RBFOX1: variants seen among roughly 807,000 people sequenced by gnomAD.
The protein encoded by RBFOX1 is RNA binding protein fox-1 homolog 1.
A neutral mutation model predicts 57.7 loss-of-function variants in RBFOX1; 8 were observed. That is an observed-to-expected ratio of 0.14 (90% CI 0.08 to 0.25). The LOEUF is 0.25. Among genes scored for constraint, RBFOX1 ranks in the 10% least tolerant of loss-of-function variants. The pLI is 1.00. For missense variants in RBFOX1, 611 were observed against 548.5 expected (o/e 1.11, Z -1.14); for synonymous variants, 326 against 222.4 (o/e 1.47, Z -4.15).
chr16:5,388,289 G>T (rs2066309245), intron 1 of RBFOX1, among the ~76,000 whole-genome samples: 1 of 152,130 alleles, frequency 6.6e-6, no homozygotes, highest in Non-Finnish European at 1.5e-5. Context: ...CCCTTGGTTG[G>T]GTTGGGGGCT....
At chr16:6,710,730 A>C (rs949528587) in intron 3 of RBFOX1, among the ~76,000 whole-genome samples, 10 of 152,260 alleles carry the variant, frequency 6.6e-5, no homozygotes, top group Non-Finnish European at 1.2e-4. Flanking sequence ...CGGGTGGCCC[A>C]TTAGATGGCA....
chr16:7,303,118 C>G (rs1261100967), intron 4 of RBFOX1, among the ~76,000 whole-genome samples: 1 of 152,224 alleles, frequency 6.6e-6, no homozygotes, highest in Admixed American at 6.5e-5. Context: ...GTTAGTCCAA[C>G]AGGCTTGATT....
intron 2 of RBFOX1, among the ~76,000 whole-genome samples, chr16:5,508,812 C>T (rs562103481): frequency 1.3e-5 from 2 of 152,162 alleles, no homozygotes; most frequent in African/African-American, 2.4e-5. Context: ...TGGCAGAAGT[C>T]GAGAGCTGAC....
intron 1 of RBFOX1, among the ~76,000 whole-genome samples, chr16:6,118,533 G>A (rs901170284): frequency 3.3e-5 from 5 of 151,890 alleles, no homozygotes; most frequent in East Asian, 1.9e-4. Flanking sequence ...TGCTGCCGCC[G>A]CCTCCGCCTC....
intron 3 of RBFOX1, among the ~76,000 whole-genome samples, chr16:6,843,257 G>A (rs1009149185): frequency 3.9e-5 from 6 of 152,062 alleles, no homozygotes; most frequent in Admixed American, 1.3e-4. Flanking sequence ...AAGTTGGACA[G>A]CAGTATCAAG....
intron 3 of RBFOX1, among the ~76,000 whole-genome samples, chr16:7,030,605 G>A (rs1006680617): frequency 2.6e-5 from 4 of 152,140 alleles, no homozygotes; most frequent in Non-Finnish European, 5.9e-5. Flanking sequence ...TATTTCGTAT[G>A]TGGACACTCC....
At chr16:7,614,487 G>T (rs764317856) in intron 10 of RBFOX1, 1 of 152,064 alleles carries the variant, frequency 6.6e-6, no homozygotes, top group Admixed American at 6.6e-5. Context: ...TTGATCTTCA[G>T]ATAAGATCAG....
chr16:5,573,658 G>A (rs946863762), intron 2 of RBFOX1, among the ~76,000 whole-genome samples: 2 of 152,072 alleles, frequency 1.3e-5, no homozygotes, highest in Non-Finnish European at 2.9e-5. Flanking sequence ...GCATCCCAAG[G>A]CTCCTCTCTA....
At chr16:5,750,055 CCTTT>C (rs1186930607) in intron 3 of RBFOX1, among the ~76,000 whole-genome samples, 1 of 152,128 alleles carries the variant, frequency 6.6e-6, no homozygotes, top group African/African-American at 2.4e-5. Flanking sequence ...GTGTGGATGT[CCTTT>C]CTGTTTGTTA....
chr16:5,915,963 A>G (rs1203144882), intron 4 of RBFOX1, among the ~76,000 whole-genome samples: 1 of 152,248 alleles, frequency 6.6e-6, no homozygotes, highest in Non-Finnish European at 1.5e-5. Context: ...GCACTGCCCT[A>G]TGAACTTCAC....
intron 3 of RBFOX1, among the ~76,000 whole-genome samples, chr16:6,938,120 C>G (rs1032336385): frequency 6.6e-6 from 1 of 152,056 alleles, no homozygotes; most frequent in African/African-American, 2.4e-5. Flanking sequence ...AAAAAGGAAT[C>G]TACATATAGA....
Position 7,041,326 on chromosome 16 carries a change from C to A in RBFOX1, c.-15-10731C>A, listed in dbSNP as rs1027510797. 2.0e-5 allele frequency among the ~76,000 whole-genome samples: 3 copies of A among 152,054 alleles called. No individual in the cohort carries two copies. In the East Asian group the frequency reaches 5.8e-4, roughly 29 times the overall value. On this transcript the variant is annotated intron_variant, in intron 3 of 15. Coordinates refer to ENST00000550418, the MANE Select transcript of RBFOX1 (RefSeq NM_018723.4). Reference sequence around the variant, plus strand: ...CCACCATAATGGGAGAACCGAGTAGCTGCAACAAAGACAAGAGAGTCTGTG... The same window carrying A: ...CCACCATAATGGGAGAACCGAGTAGATGCAACAAAGACAAGAGAGTCTGTG...
At chr16:6,251,502 T>G (rs2097611656) in intron 1 of RBFOX1, among the ~76,000 whole-genome samples, 1 of 152,114 alleles carries the variant, frequency 6.6e-6, no homozygotes. Flanking sequence ...AAGTTAGATA[T>G]TTATTATACA....
chr16:7,645,937 C>T (rs893613526), intron 11 of RBFOX1, among the ~76,000 whole-genome samples: 1 of 148,668 alleles, frequency 6.7e-6, no homozygotes, highest in Non-Finnish European at 1.5e-5. Context: ...TTCTCCCCCA[C>T]CCACCACCCA....
At chr16:5,563,504 A>G (rs1024304839) in intron 2 of RBFOX1, among the ~76,000 whole-genome samples, 6 of 152,202 alleles carry the variant, frequency 3.9e-5, no homozygotes, top group Non-Finnish European at 8.8e-5. Context: ...AAAACTAAAT[A>G]TAAACCATCT....
chr16:6,371,967 C>T (rs780830179), intron 2 of RBFOX1, among the ~76,000 whole-genome samples: 1 of 152,032 alleles, frequency 6.6e-6, no homozygotes, highest in African/African-American at 2.4e-5. Flanking sequence ...TCTTTGTATC[C>T]CCATTGCCTA....
chr16:7,508,454 C>T (rs1015426633), intron 4 of RBFOX1, among the ~76,000 whole-genome samples: 28 of 152,236 alleles, frequency 1.8e-4, no homozygotes, highest in Admixed American at 1.2e-3. Context: ...CTGCTGTCCT[C>T]GCATACTGAG....
chr16:7,705,478 C>G (rs1003228986), intron 14 of RBFOX1, among the ~76,000 whole-genome samples: 1 of 152,142 alleles, frequency 6.6e-6, no homozygotes, highest in East Asian at 1.9e-4. Flanking sequence ...GCACTCCAGC[C>G]TTAGCAACAG....
intron 12 of RBFOX1, among the ~76,000 whole-genome samples, chr16:7,664,406 A>G (rs1180658150): frequency 6.6e-6 from 1 of 152,244 alleles, no homozygotes; most frequent in Non-Finnish European, 1.5e-5. Context: ...GTGAAAGAAT[A>G]TAGAAGAAAA....
Sources: gnomAD v4.1 joint callset for allele counts (sites outside exome capture counted in the v4.1 genomes callset) on GRCh38, gnomAD v4.1.1 for gene constraint, MANE v1.5 for transcripts, NCBI Gene and HGNC (gene_info 2026-07-23, HGNC 2026-07-21) for gene names.